Variants in IL1RAPL1 observed in about 807,000 individuals in gnomAD.
IL1RAPL1 encodes the protein interleukin 1 receptor accessory protein like 1.
IL1RAPL1 carries 3 observed loss-of-function variants against 48.4 expected under a neutral mutation model. The observed-to-expected ratio is 0.06, with a 90% confidence interval of 0.03 to 0.16. IL1RAPL1 has a LOEUF of 0.16. Ranked by LOEUF, IL1RAPL1 falls within the 10% of genes least tolerant of loss-of-function variation. The probability of loss-of-function intolerance (pLI) is 1.00; values close to 1 mark genes in which losing one functional copy is unlikely to be tolerated. For synonymous variants in IL1RAPL1, 185 were observed against 187.7 expected, an observed-to-expected ratio of 0.99 and a Z score of 0.12; for missense variants, 349 against 530.6, an observed-to-expected ratio of 0.66 and a Z score of 3.36.
At chrX:29,333,572 A>G (rs1602177138) in intron 3 of IL1RAPL1, among the ~76,000 whole-genome samples, 1 of 82,103 alleles carries the variant, frequency 1.2e-5, no homozygotes, top group Non-Finnish European at 2.3e-5. Context: ...GCGGCTGGCC[A>G]GGCGGGGGGC....
chrX:28,938,136 A>G (rs778652331), intron 2 of IL1RAPL1, among the ~76,000 whole-genome samples: 2 of 111,575 alleles, frequency 1.8e-5, no homozygotes, highest in African/African-American at 6.5e-5. Flanking sequence ...CAAACTAACA[A>G]TGATGTTTTT....
chrX:29,393,710 CTGTTTT>C (rs889933364), intron 3 of IL1RAPL1, among the ~76,000 whole-genome samples: 45 of 91,332 alleles, frequency 4.9e-4, no homozygotes, highest in African/African-American at 1.6e-3. Flanking sequence ...AAAGGCCTTT[CTGTTTT>C]TGTTTTTGTT....
At chrX:29,148,238 T>C (rs986794686) in intron 2 of IL1RAPL1, among the ~76,000 whole-genome samples, 1 of 112,054 alleles carries the variant, frequency 8.9e-6, no homozygotes, top group African/African-American at 3.2e-5. Flanking sequence ...TTTCAACTTA[T>C]TGGATTTGTT....
intron 5 of IL1RAPL1, among the ~76,000 whole-genome samples, chrX:29,659,223 G>T (rs1925771145): frequency 8.9e-6 from 1 of 111,939 alleles, no homozygotes. Flanking sequence ...ACGAAATAGA[G>T]TTGTTATGAC....
At chrX:29,879,371 GTGTGTGTGTGTGTGTGTGTGTGTGTA>G (rs1267938140) in intron 6 of IL1RAPL1, among the ~76,000 whole-genome samples, 2 of 99,216 alleles carry the variant, frequency 2.0e-5, no homozygotes, top group African/African-American at 8.2e-5. Context: ...GTGTGTGTGT[GTGTGTGTGTGTGTGTGTGTGTGTGTA>G]TATATATATA....
At chrX:28,833,609 T>C (rs901619675) in intron 2 of IL1RAPL1, among the ~76,000 whole-genome samples, 2 of 111,889 alleles carry the variant, frequency 1.8e-5, no homozygotes, top group African/African-American at 6.5e-5. Context: ...TCAATACCAA[T>C]TCAATATAAT....
At chrX:29,250,860 C>G (rs768829602) in intron 2 of IL1RAPL1, among the ~76,000 whole-genome samples, 3 of 111,586 alleles carry the variant, frequency 2.7e-5, no homozygotes, top group South Asian at 3.8e-4. Flanking sequence ...ACAAAACAAG[C>G]CTTTTAATGA....
At chrX:29,024,681 G>A (rs1295710018) in intron 2 of IL1RAPL1, among the ~76,000 whole-genome samples, 1 of 111,620 alleles carries the variant, frequency 9.0e-6, no homozygotes, top group African/African-American at 3.2e-5. Flanking sequence ...ACATGAATGG[G>A]AATAAATATC....
At chrX:28,934,851 A>C (rs921187093) in intron 2 of IL1RAPL1, among the ~76,000 whole-genome samples, 1 of 111,726 alleles carries the variant, frequency 9.0e-6, no homozygotes, top group Non-Finnish European at 1.9e-5. Flanking sequence ...CATCATTTAC[A>C]AGTTATTGAT....
intron 2 of IL1RAPL1, among the ~76,000 whole-genome samples, chrX:28,923,250 C>T (rs935868448): frequency 7.3e-5 from 8 of 110,063 alleles, no homozygotes; most frequent in African/African-American, 2.7e-4. Flanking sequence ...GTTCTCGGCT[C>T]ACTGCAACCT....
At chrX:29,532,376 G>A (rs1921072408) in intron 5 of IL1RAPL1, among the ~76,000 whole-genome samples, 1 of 112,103 alleles carries the variant, frequency 8.9e-6, no homozygotes, top group South Asian at 3.7e-4. Context: ...GTCCTCTGAG[G>A]CAGCAGATTC....
chrX:29,342,938 G>A lies in IL1RAPL1; in HGVS notation c.363-53320G>A, dbSNP rs187887077. 1.2e-3 allele frequency among the ~76,000 whole-genome samples: 137 copies of A among 111,829 alleles called. 1 individual carries two copies. Among genetic ancestry groups the A allele is most frequent in the African/African-American group, 4.2e-3 (130 of 30,866 alleles). On this transcript the variant is annotated intron_variant, in intron 3 of 10. Transcript: ENST00000378993. ...TCCAATGTTAACAGCGAATGAAGCC[G>A]TTTTCTTTTTTTTCTGGAATAGAAT...
At chrX:28,601,706 TA>T (rs886401324) in intron 1 of IL1RAPL1, among the ~76,000 whole-genome samples, 9 of 109,594 alleles carry the variant, frequency 8.2e-5, no homozygotes, top group East Asian at 2.9e-4. Flanking sequence ...AGATCTGTCT[TA>T]AAAAAAAATA....
At chrX:29,396,630 G>C (rs1469675152) in intron 4 of IL1RAPL1, among the ~76,000 whole-genome samples, 186 bp downstream of exon 4, 1 of 112,051 alleles carries the variant, frequency 8.9e-6, no homozygotes, top group African/African-American at 3.2e-5. Context: ...TCTAGTCAAT[G>C]TTTGTATTGG....
At chrX:29,082,169 A>G (rs540216219) in intron 2 of IL1RAPL1, among the ~76,000 whole-genome samples, 12 of 112,221 alleles carry the variant, frequency 1.1e-4, no homozygotes, top group African/African-American at 3.9e-4. Context: ...TGATTTCACA[A>G]TGTCACAGCC....
At chrX:28,847,441 A>G (rs982590166) in intron 2 of IL1RAPL1, among the ~76,000 whole-genome samples, 5 of 111,388 alleles carry the variant, frequency 4.5e-5, no homozygotes, top group Non-Finnish European at 3.8e-5. Flanking sequence ...ATTCTTCTCT[A>G]TTCAGCCTCT....
intron 5 of IL1RAPL1, among the ~76,000 whole-genome samples, chrX:29,582,369 ATTTTTT>A (rs1377674883): frequency 9.5e-6 from 1 of 104,789 alleles, no homozygotes; most frequent in South Asian, 4.0e-4. Flanking sequence ...TTATTTTTTT[ATTTTTT>A]TATTTTTATT....
intron 3 of IL1RAPL1, among the ~76,000 whole-genome samples, chrX:29,389,025 T>C (rs888682299): frequency 1.8e-5 from 2 of 111,567 alleles, no homozygotes; most frequent in Non-Finnish European, 3.8e-5. Flanking sequence ...ATATTAATAG[T>C]GGATGTAGCA....
At chrX:28,640,512 A>G (rs1339711175) in intron 1 of IL1RAPL1, among the ~76,000 whole-genome samples, 4 of 108,610 alleles carry the variant, frequency 3.7e-5, no homozygotes, top group Non-Finnish European at 7.6e-5. Flanking sequence ...CACCCGGCTA[A>G]TTTTTGTATT....
Sources: allele counts gnomAD v4.1 joint callset (sites outside exome capture counted in the v4.1 genomes callset), GRCh38; gene constraint gnomAD v4.1.1; transcripts MANE v1.5; gene names NCBI Gene and HGNC (gene_info 2026-07-23, HGNC 2026-07-21).